Variants in KIAA0319 observed in about 807,000 individuals in gnomAD.
The protein encoded by KIAA0319 is KIAA0319, also known as dyslexia-associated protein KIAA0319.
KIAA0319 carries 83 observed loss-of-function variants against 108.4 expected under a neutral mutation model. That is an observed-to-expected ratio of 0.77 (90% CI 0.64 to 0.92). The LOEUF (loss-of-function observed/expected upper bound fraction) is 0.92, where lower values mean the gene tolerates loss of function less well. Ranked by LOEUF, KIAA0319 falls within the 40% of genes least tolerant of loss-of-function variation. The pLI is 0.00. For missense variants in KIAA0319, 1,195 were observed against 1,322.4 expected (o/e 0.90, Z 1.49); for synonymous variants, 484 against 510.4 (o/e 0.95, Z 0.70).
chr6:24,555,962 A>T (rs1762228298), intron 18 of KIAA0319, among the ~76,000 whole-genome samples: 1 of 152,142 alleles, frequency 6.6e-6, no homozygotes, highest in South Asian at 2.1e-4. Flanking sequence ...TGCTCTGCCA[A>T]AGGGAATTTT....
chr6:24,558,130 T>C (rs1762550003), intron 17 of KIAA0319, among the ~76,000 whole-genome samples: 1 of 151,618 alleles, frequency 6.6e-6, no homozygotes, highest in African/African-American at 2.4e-5. Context: ...AAAAAAGGAG[T>C]TATTGGCTGG....
At chr6:24,580,292 A>G (rs953170329) in intron 7 of KIAA0319, among the ~76,000 whole-genome samples, 5 of 152,026 alleles carry the variant, frequency 3.3e-5, no homozygotes, top group Admixed American at 6.6e-5. Flanking sequence ...TGGATCTTAT[A>G]TCTCTAACTG....
At chr6:24,575,562 A>C (rs1309482477) in intron 10 of KIAA0319, among the ~76,000 whole-genome samples, 3 of 152,104 alleles carry the variant, frequency 2.0e-5, no homozygotes, top group Non-Finnish European at 4.4e-5. Context: ...AAGTTCCATA[A>C]ATCTACCTAG....
intron 1 of KIAA0319, among the ~76,000 whole-genome samples, chr6:24,633,389 G>A (rs1775819016): frequency 6.6e-6 from 1 of 151,960 alleles, no homozygotes; most frequent in South Asian, 2.1e-4. Context: ...TGAATAAAGG[G>A]AATGTGAAAC....
intron 1 of KIAA0319, among the ~76,000 whole-genome samples, chr6:24,628,724 T>C (rs1292600491): frequency 6.6e-6 from 1 of 152,216 alleles, no homozygotes; most frequent in East Asian, 1.9e-4. Flanking sequence ...AGAATCCTTC[T>C]TTGTCCCTTC....
At chr6:24,630,508 C>CAAAAAAAAA (rs66787757) in intron 1 of KIAA0319, among the ~76,000 whole-genome samples, 2 of 104,458 alleles carry the variant, frequency 1.9e-5, no homozygotes, top group Non-Finnish European at 3.9e-5. Flanking sequence ...GATTCTGTCT[C>CAAAAAAAAA]AAAAAAAAAA....
At chr6:24,617,514 G>A (rs1010990215) in intron 1 of KIAA0319, among the ~76,000 whole-genome samples, 4 of 151,846 alleles carry the variant, frequency 2.6e-5, no homozygotes, top group Admixed American at 2.0e-4. Context: ...AACAAAGAGG[G>A]AGCTAGAAAG....
chr6:24,623,568 CA>C (rs1774266490), intron 1 of KIAA0319, among the ~76,000 whole-genome samples: 3 of 152,060 alleles, frequency 2.0e-5, no homozygotes, highest in African/African-American at 7.2e-5. Flanking sequence ...TCAAAAGAAC[CA>C]GAATCACAGA....
In KIAA0319 at chr6:24,556,694, C is replaced by G. The variant is rs199538325; in HGVS notation, c.2770G>C (p.Asp924His). Residue 924 changes from aspartate (D) to histidine (H), a missense_variant, in exon 18 of 21, where the codon GAC (aspartate) becomes CAC (histidine). Coordinates refer to ENST00000378214, the MANE Select transcript of KIAA0319 (RefSeq NM_014809.4). ...LLKCSGHGHC[D>H]PLTKRCICSH... is the part of the protein sequence containing the mutation. ...CAAATGCAGCGCTTTGTGAGGGGGT[C>G]GCAGTGACCATGGCCAGAACACTTC... is the stretch of plus-strand genomic sequence containing the variant. 2 of 1,613,922 alleles carry G rather than the reference C, an allele frequency of 1.2e-6. No homozygotes were observed. Among genetic ancestry groups the G allele is most frequent in the African/African-American group, 2.7e-5 (2 of 75,016 alleles).
At chr6:24,565,752 C>CA (rs71542686) in intron 14 of KIAA0319, among the ~76,000 whole-genome samples, 21,647 of 61,916 alleles carry the variant, frequency 0.35, 3,154 homozygotes, top group South Asian at 0.4. Context: ...GACTCCATCT[C>CA]AAAAAAAAAA....
At chr6:24,618,764 A>G (rs1001008157) in intron 1 of KIAA0319, among the ~76,000 whole-genome samples, 1 of 151,838 alleles carries the variant, frequency 6.6e-6, no homozygotes, top group Non-Finnish European at 1.5e-5. Flanking sequence ...ATAAAATGAA[A>G]TGTTTAAAAA....
At chr6:24,559,379 T>C (rs550032265) in intron 16 of KIAA0319, among the ~76,000 whole-genome samples, 1 of 152,238 alleles carries the variant, frequency 6.6e-6, no homozygotes, top group Non-Finnish European at 1.5e-5. Context: ...GATCTTCAGA[T>C]AAAAGAAGCA....
chr6:24,567,394 T>C (rs1764055803), intron 13 of KIAA0319, among the ~76,000 whole-genome samples: 1 of 152,140 alleles, frequency 6.6e-6, no homozygotes, highest in Non-Finnish European at 1.5e-5. Flanking sequence ...CTTCTCTGAC[T>C]AGGTGTTAAA....
At chr6:24,630,528 A>AGG (rs1562104247) in intron 1 of KIAA0319, among the ~76,000 whole-genome samples, 39 of 137,256 alleles carry the variant, frequency 2.8e-4, no homozygotes, top group African/African-American at 1.0e-3. Flanking sequence ...AAAAAAAAAA[A>AGG]AAAGAAAGAA....
Position 24,629,171 on chromosome 6 carries a change from A to G in KIAA0319, c.-106+16565T>C, listed in dbSNP as rs1322413833. ...AGACAAAATAACAACTCGAGCCTTT[A>G]CACACTAGGGGTTTTCTTTCATCTC... On this transcript the variant is annotated intron_variant, in intron 1 of 20. Transcript: ENST00000378214. Among the ~76,000 whole-genome samples, 3 of 152,246 alleles carry G rather than the reference A, an allele frequency of 2.0e-5. No homozygotes were observed. In the East Asian group the frequency reaches 5.8e-4, roughly 29 times the overall value.
intron 4 of KIAA0319, among the ~76,000 whole-genome samples, chr6:24,587,361 A>T (rs1285177483): frequency 1.3e-5 from 2 of 152,050 alleles, no homozygotes; most frequent in Non-Finnish European, 1.5e-5. Context: ...GCTCACTGCA[A>T]GCTTTGCCTC....
chr6:24,605,136 C>T (rs1461223038), intron 1 of KIAA0319, among the ~76,000 whole-genome samples: 6 of 152,204 alleles, frequency 3.9e-5, no homozygotes, highest in Admixed American at 1.3e-4. Flanking sequence ...CCACCATGCC[C>T]GGCCAAGTGT....
At chr6:24,541,896 T>C (rs1229653487), downstream of KIAA0319, among the ~76,000 whole-genome samples, 4 of 152,130 alleles carry the variant, frequency 2.6e-5, no homozygotes, top group African/African-American at 4.8e-5. Context: ...TCCCAGTACT[T>C]TGGGAGGCTG....
chr6:24,571,827 G>A (rs1764768202), intron 11 of KIAA0319, among the ~76,000 whole-genome samples: 2 of 152,244 alleles, frequency 1.3e-5, no homozygotes, highest in South Asian at 4.1e-4. Context: ...CGAGCTCTTT[G>A]CAGATGCATC....
Sources: gnomAD v4.1 joint callset for allele counts (sites outside exome capture counted in the v4.1 genomes callset) on GRCh38, gnomAD v4.1.1 for gene constraint, MANE v1.5 for transcripts, NCBI Gene and HGNC (gene_info 2026-07-23, HGNC 2026-07-21) for gene names.